Variants in LRRC4C observed in about 807,000 individuals in gnomAD.
LRRC4C encodes the protein leucine rich repeat containing 4C.
In LRRC4C, 5 loss-of-function variants were observed where a neutral mutation model predicts 33.6. The observed-to-expected ratio is 0.15, with a 90% CI of 0.08 to 0.31. The LOEUF is 0.31. Ranked by LOEUF, LRRC4C falls within the 10% of genes least tolerant of loss-of-function variation. The pLI, the probability that LRRC4C is intolerant of heterozygous loss-of-function variation, is 1.00. For synonymous variants in LRRC4C, 329 were observed against 302.0 expected (o/e 1.09, Z -0.93); for missense variants, 560 against 796.7 (o/e 0.70, Z 3.58).
chr11:41,184,306 T>C (rs916566377), intron 1 of LRRC4C, among the ~76,000 whole-genome samples: 3 of 152,112 alleles, frequency 2.0e-5, no homozygotes, highest in African/African-American at 4.8e-5. Context: ...CAAACCTTTA[T>C]GCTCCACTTC....
At chr11:41,402,415 C>A (rs1373618943) in intron 1 of LRRC4C, among the ~76,000 whole-genome samples, 1 of 152,022 alleles carries the variant, frequency 6.6e-6, no homozygotes, top group Non-Finnish European at 1.5e-5. Flanking sequence ...TTAAACCACC[C>A]TATCTACAGG....
At chr11:40,711,482 T>C (rs1946462346) in intron 2 of LRRC4C, among the ~76,000 whole-genome samples, 1 of 152,202 alleles carries the variant, frequency 6.6e-6, no homozygotes, top group African/African-American at 2.4e-5. Context: ...TTAGAAATAA[T>C]TCAGGTTATG....
intron 3 of LRRC4C, among the ~76,000 whole-genome samples, chr11:40,619,097 A>G (rs1962175929): frequency 6.6e-6 from 1 of 151,710 alleles, no homozygotes; most frequent in Non-Finnish European, 1.5e-5. Context: ...ATTCAAAACA[A>G]TTGAACTCAT....
chr11:40,572,256 C>G (rs1958011113), intron 3 of LRRC4C, among the ~76,000 whole-genome samples: 1 of 152,128 alleles, frequency 6.6e-6, no homozygotes, highest in African/African-American at 2.4e-5. Context: ...TTATCACCAG[C>G]CTGGGATAGA....
chr11:40,984,099 A>C (rs1347117396), intron 1 of LRRC4C, among the ~76,000 whole-genome samples: 3 of 151,874 alleles, frequency 2.0e-5, no homozygotes, highest in Non-Finnish European at 4.4e-5. Context: ...GATATGTTCA[A>C]TCCTATAACA....
At chr11:40,309,035 CAG>C (rs1017969406) in intron 4 of LRRC4C, among the ~76,000 whole-genome samples, 4 of 152,184 alleles carry the variant, frequency 2.6e-5, no homozygotes, top group African/African-American at 9.7e-5. Flanking sequence ...GAGCCCTCAC[CAG>C]AGTCACCCTT....
chr11:40,364,093 A>G (rs1199846850), intron 3 of LRRC4C, among the ~76,000 whole-genome samples: 2 of 152,160 alleles, frequency 1.3e-5, no homozygotes, highest in East Asian at 3.9e-4. Flanking sequence ...TTAACTATAT[A>G]CCCAAACAAA....
chr11:41,058,986 T>C (rs892409516), intron 1 of LRRC4C, among the ~76,000 whole-genome samples: 3 of 152,098 alleles, frequency 2.0e-5, no homozygotes, highest in Non-Finnish European at 4.4e-5. Flanking sequence ...TTCTCACTTA[T>C]AAGTAGAAGC....
chr11:41,116,781 T>G (rs1399813454), intron 1 of LRRC4C, among the ~76,000 whole-genome samples: 2 of 152,256 alleles, frequency 1.3e-5, no homozygotes, highest in South Asian at 4.1e-4. Context: ...TAATTTTGAT[T>G]AAGTTATTGA....
intron 2 of LRRC4C, among the ~76,000 whole-genome samples, chr11:40,797,362 C>T (rs1301798418): frequency 6.6e-6 from 1 of 151,884 alleles, no homozygotes; most frequent in African/African-American, 2.4e-5. Context: ...GATCCTATGG[C>T]AAATTAAGGC....
chr11:41,083,188 A>T (rs1242160567), intron 1 of LRRC4C, among the ~76,000 whole-genome samples: 2 of 152,094 alleles, frequency 1.3e-5, no homozygotes, highest in African/African-American at 4.8e-5. Context: ...AAATATGACC[A>T]TGAATTTTGG....
chr11:40,140,745 T>A (rs1324334225), intron 6 of LRRC4C, 56 bp downstream of exon 6: 1 of 152,240 alleles, frequency 6.6e-6, no homozygotes, highest in Admixed American at 6.6e-5. Flanking sequence ...TCACATTAGC[T>A]GCAGTTGTAG....
In LRRC4C at chr11:41,153,044, C is replaced by G. The variant is rs114461967; in HGVS notation, c.-495-219321G>C. Reference sequence around the variant, plus strand: ...CCTACCACCAACTCCATCTCATACTCTTACGTGAATCACGTCACTTGTAGC... The same window carrying G: ...CCTACCACCAACTCCATCTCATACTGTTACGTGAATCACGTCACTTGTAGC... On this transcript the variant is annotated intron_variant, in intron 1 of 6. Transcript: ENST00000528697. Among the ~76,000 whole-genome samples the G allele has an allele frequency of 8.3e-3, 1,271 of 152,276 alleles. 25 individuals carry two copies. Among genetic ancestry groups the G allele is most frequent in the African/African-American group, 0.029 (1,209 of 41,566 alleles).
chr11:41,295,403 T>G lies in LRRC4C; in HGVS notation c.-496+164028A>C, dbSNP rs74495864. 4.1e-3 allele frequency among the ~76,000 whole-genome samples: 628 copies of G among 152,264 alleles called. 3 individuals carry two copies. The highest frequency in any genetic ancestry group is 0.013 in the African/African-American group (546 of 41,538). ...TTGTGGTGATTTAGCAATATACAAC[T>G]CCTATTCATGAAGACAACAATGGAA... On this transcript the variant is annotated intron_variant, in intron 1 of 6. Transcript: ENST00000528697.
chr11:40,784,059 T>C (rs1279464862), intron 2 of LRRC4C, among the ~76,000 whole-genome samples: 2 of 144,886 alleles, frequency 1.4e-5, no homozygotes, highest in African/African-American at 5.6e-5. Flanking sequence ...ATTTATCAAG[T>C]TTCTAATGAA....
intron 6 of LRRC4C, among the ~76,000 whole-genome samples, chr11:40,129,422 A>T (rs554241430): frequency 6.6e-6 from 1 of 151,994 alleles, no homozygotes; most frequent in Non-Finnish European, 1.5e-5. Flanking sequence ...TTCTCTGTCT[A>T]TTATTATCAG....
chr11:41,124,309 T>C (rs1050515733), intron 1 of LRRC4C, among the ~76,000 whole-genome samples: 2 of 152,184 alleles, frequency 1.3e-5, no homozygotes, highest in African/African-American at 4.8e-5. Context: ...TGGAACGCCA[T>C]GATTAAAACC....
At chr11:40,591,819 C>T (rs989801905) in intron 3 of LRRC4C, among the ~76,000 whole-genome samples, 1 of 152,200 alleles carries the variant, frequency 6.6e-6, no homozygotes, top group Non-Finnish European at 1.5e-5. Context: ...AAAAACAGAA[C>T]TTTAGCTCAA....
chr11:40,825,021 C>T (rs559382582), intron 2 of LRRC4C, among the ~76,000 whole-genome samples: 215 of 152,056 alleles, frequency 1.4e-3, no homozygotes, highest in South Asian at 0.012. Flanking sequence ...GAGAAGGGAA[C>T]TGATGTTTAT....
Sources: gnomAD v4.1 joint callset for allele counts (sites outside exome capture counted in the v4.1 genomes callset) on GRCh38, gnomAD v4.1.1 for gene constraint, MANE v1.5 for transcripts, NCBI Gene and HGNC (gene_info 2026-07-23, HGNC 2026-07-21) for gene names.